Variants in TENM3 observed in about 807,000 individuals in gnomAD.
The protein encoded by TENM3 is teneurin transmembrane protein 3.
TENM3 carries 63 observed loss-of-function variants against 255.1 expected under a neutral mutation model. The ratio of observed to expected loss-of-function variants is 0.25; its 90% CI spans 0.20 to 0.30. The LOEUF (loss-of-function observed/expected upper bound fraction) is 0.30, where lower values mean the gene tolerates loss of function less well. Among genes scored for constraint, TENM3 ranks in the 10% least tolerant of loss-of-function variants. The pLI, the probability that TENM3 is intolerant of heterozygous loss-of-function variation, is 1.00. For synonymous variants in TENM3, 1,306 were observed against 1,322.3 expected (o/e 0.99, Z 0.27); for missense variants, 2,929 against 3,461.1 (o/e 0.85, Z 3.86).
At chr4:182,103,253 G>A in the TENM3 span, among the ~76,000 whole-genome samples, 2 of 152,184 alleles carry the variant, frequency 1.3e-5, no homozygotes, top group Non-Finnish European at 2.9e-5. Context: ...GAATTCAAAT[G>A]TAAACCCAAT....
intron 1 of TENM3, among the ~76,000 whole-genome samples, chr4:182,162,583 G>T (rs750900559): frequency 6.6e-6 from 1 of 152,150 alleles, no homozygotes; most frequent in Admixed American, 6.5e-5. Context: ...TCATGCTGCT[G>T]TAACAAGACA....
intron 1 of TENM3, among the ~76,000 whole-genome samples, chr4:182,171,799 T>C (rs1752126177): frequency 6.6e-6 from 1 of 152,186 alleles, no homozygotes; most frequent in Non-Finnish European, 1.5e-5. Context: ...TAAGTTGATA[T>C]CACAAGACTA....
chr4:181,938,036 C>T, the TENM3 span, among the ~76,000 whole-genome samples: 100 of 152,276 alleles, frequency 6.6e-4, no homozygotes, highest in Non-Finnish European at 1.2e-3. Context: ...CACCCCTTGC[C>T]GATTCTCAGT....
chr4:182,701,911 T>A (rs1329260565), intron 12 of TENM3, among the ~76,000 whole-genome samples: 1 of 152,196 alleles, frequency 6.6e-6, no homozygotes, highest in East Asian at 1.9e-4. Flanking sequence ...GTATATTTCA[T>A]AATGAAAAAT....
At position 182,710,404 on chromosome 4, in the gene TENM3, TTTA is replaced by T. The variant is rs531758027; in HGVS notation, c.2222-3675_2222-3673del. Among the ~76,000 whole-genome samples, 11 of 152,356 alleles carry T rather than the reference TTTA, an allele frequency of 7.2e-5. No homozygotes were observed. The East Asian group carries it at 1.5e-3, about 21-fold the overall frequency. On this transcript the variant is annotated intron_variant, in intron 12 of 27. Transcript: ENST00000511685. The stretch of plus-strand genomic sequence containing the variant: ...TTTAATGTTTAAAAGGTAAATTATT[TTTA>T]TTATTATAATTTCAGAGTAGCACCT...
At chr4:182,217,331 C>T (rs1040819622) in intron 1 of TENM3, among the ~76,000 whole-genome samples, 1 of 151,852 alleles carries the variant, frequency 6.6e-6, no homozygotes, top group African/African-American at 2.4e-5. Flanking sequence ...TAAATTTCAC[C>T]ATCGTTTCTA....
chr4:181,845,120 A>C, the TENM3 span, among the ~76,000 whole-genome samples: 1 of 152,236 alleles, frequency 6.6e-6, no homozygotes, highest in Non-Finnish European at 1.5e-5. Context: ...ATTCAATTAA[A>C]TATCCTACTA....
chr4:182,140,447 T>C (rs1242206639), upstream of TENM3, among the ~76,000 whole-genome samples: 2 of 152,164 alleles, frequency 1.3e-5, no homozygotes, highest in African/African-American at 4.8e-5. Context: ...TCCTCATCGT[T>C]CCTAGGGTCT....
the TENM3 span, among the ~76,000 whole-genome samples, chr4:181,688,994 G>A: frequency 6.6e-6 from 1 of 152,130 alleles, no homozygotes; most frequent in African/African-American, 2.4e-5. Context: ...TCACTTTGCT[G>A]CTTTTCTCTT....
At chr4:182,766,975 C>T (rs1763766530) in intron 22 of TENM3, among the ~76,000 whole-genome samples, 4 of 152,244 alleles carry the variant, frequency 2.6e-5, no homozygotes, top group East Asian at 1.9e-4. Context: ...CTTTTGTCTT[C>T]CTTCTTTTGC....
At chr4:181,527,155 T>C in the TENM3 span, among the ~76,000 whole-genome samples, 2 of 152,210 alleles carry the variant, frequency 1.3e-5, no homozygotes, top group Non-Finnish European at 1.5e-5. Flanking sequence ...ACAAACTGTT[T>C]TCATGAATGT....
At chr4:182,665,417 G>A (rs537338390) in intron 6 of TENM3, among the ~76,000 whole-genome samples, 11 of 152,292 alleles carry the variant, frequency 7.2e-5, no homozygotes, top group African/African-American at 2.2e-4. Flanking sequence ...GGAGATGTGC[G>A]AGGAGGTTAA....
At chr4:181,704,733 G>A in the TENM3 span, among the ~76,000 whole-genome samples, 2 of 152,018 alleles carry the variant, frequency 1.3e-5, no homozygotes, top group South Asian at 4.2e-4. Context: ...GGATTTTAGT[G>A]ATAAAGGAGA....
intron 24 of TENM3, among the ~76,000 whole-genome samples, chr4:182,778,702 G>C (rs1561240524): frequency 6.6e-6 from 1 of 152,264 alleles, no homozygotes; most frequent in East Asian, 1.9e-4. Context: ...CAACATCAAA[G>C]TGATGTTGTG....
At chr4:181,633,680 C>A in the TENM3 span, among the ~76,000 whole-genome samples, 1 of 152,206 alleles carries the variant, frequency 6.6e-6, no homozygotes, top group Non-Finnish European at 1.5e-5. Flanking sequence ...GTTCTATAGA[C>A]TCAGAACTGA....
At chr4:181,983,975 T>A in the TENM3 span, among the ~76,000 whole-genome samples, 2 of 152,134 alleles carry the variant, frequency 1.3e-5, no homozygotes, top group Non-Finnish European at 2.9e-5. Context: ...GATCCTAGTC[T>A]ATATGAGTAT....
the TENM3 span, among the ~76,000 whole-genome samples, chr4:181,455,232 C>A: frequency 6.6e-6 from 1 of 152,084 alleles, no homozygotes; most frequent in Admixed American, 6.6e-5. Flanking sequence ...GCCTGTTAAT[C>A]TAGAAAGAGT....
rs116413619 is a variant in TENM3, at chr4:182,365,461, T to C, written c.511+18532T>C. 4.7e-3 allele frequency among the ~76,000 whole-genome samples: 713 copies of C among 152,274 alleles called. 6 individuals are homozygous for C. The highest frequency in any genetic ancestry group is 0.016 in the African/African-American group (671 of 41,558). ...AAGTTTCACAATGGTGAAGAACAGG[T>C]GTACGTGAGCTGGGGCACAGGCCCA... On this transcript the variant is annotated intron_variant, in intron 3 of 27. Coordinates refer to ENST00000511685, the MANE Select transcript of TENM3 (RefSeq NM_001080477.4).
intron 1 of TENM3, among the ~76,000 whole-genome samples, chr4:182,160,278 A>G (rs1751050219): frequency 6.6e-6 from 1 of 152,124 alleles, no homozygotes; most frequent in African/African-American, 2.4e-5. Context: ...CTGGGATTAC[A>G]GGCGTGAGCC....
Sources: allele counts gnomAD v4.1 joint callset (sites outside exome capture counted in the v4.1 genomes callset), GRCh38; gene constraint gnomAD v4.1.1; transcripts MANE v1.5; gene names NCBI Gene and HGNC (gene_info 2026-07-23, HGNC 2026-07-21).